The following MAEA variants were observed in gnomAD, a reference collection of about 807,000 sequenced individuals.
MAEA encodes the protein macrophage erythroblast attacher, E3 ubiquitin ligase, also known as E3 ubiquitin-protein transferase MAEA.
MAEA carries 22 observed loss-of-function variants against 46.2 expected under a neutral mutation model. The observed-to-expected ratio is 0.48, with a 90% CI of 0.34 to 0.68. The LOEUF (loss-of-function observed/expected upper bound fraction) is 0.68. Among genes scored for constraint, MAEA ranks in the 30% least tolerant of loss-of-function variants. The probability of loss-of-function intolerance (pLI) is 0.01; values close to 1 mark genes in which losing one functional copy is unlikely to be tolerated. For missense variants in MAEA, 393 were observed against 558.1 expected (o/e 0.70, Z 2.98); for synonymous variants, 246 against 222.6 (o/e 1.11, Z -0.94).
chr4:1,314,496 AAAATC>A lies in MAEA; in HGVS notation c.253-897_253-893del. Among the ~76,000 whole-genome samples the A allele has an allele frequency of 2.6e-5, 4 of 152,346 alleles. 1 individual carries two copies. Among genetic ancestry groups the A allele is most frequent in the African/African-American group, 9.6e-5 (4 of 41,576 alleles). ...ATCGAGAATGGAGCACAGAGACTGA[AAAATC>A]AAAGTGGCTGCGAGAGTAAAGCATG... On this transcript the variant is annotated intron_variant, in intron 2 of 8. Transcript: ENST00000303400.
chr4:1,334,562 G>C (rs1446510562), intron 6 of MAEA, among the ~76,000 whole-genome samples: 1 of 152,244 alleles, frequency 6.6e-6, no homozygotes, highest in Admixed American at 6.5e-5. Flanking sequence ...ACCCATACAG[G>C]GGGCTGAGAC....
intron 4 of MAEA, among the ~76,000 whole-genome samples, chr4:1,323,331 G>A (rs1018336965): frequency 1.3e-5 from 2 of 152,146 alleles, no homozygotes; most frequent in Non-Finnish European, 2.9e-5. Flanking sequence ...AAAAGGCATT[G>A]TCACCCTAGG....
intron 1 of MAEA, chr4:1,309,358 C>A (rs1736147050): frequency 8.8e-7 from 1 of 1,135,584 alleles, no homozygotes; most frequent in Admixed American, 4.2e-5. Context: ...GCTAACCAGC[C>A]AGCCCAGGCC....
chr4:1,306,227 G>A (rs1054745625), intron 1 of MAEA, among the ~76,000 whole-genome samples: 3 of 152,168 alleles, frequency 2.0e-5, no homozygotes, highest in Admixed American at 1.3e-4. Context: ...ATTCACCATC[G>A]CGCTTTCCGC....
chr4:1,309,284 C>T (rs979150141), intron 1 of MAEA, among the ~76,000 whole-genome samples: 1 of 151,914 alleles, frequency 6.6e-6, no homozygotes, highest in Non-Finnish European at 1.5e-5. Context: ...GAGTCTTTAG[C>T]ATTTCTGAAA....
At chr4:1,293,186 C>T (rs928303522) in intron 1 of MAEA, among the ~76,000 whole-genome samples, 1 of 151,544 alleles carries the variant, frequency 6.6e-6, no homozygotes, top group African/African-American at 2.4e-5. Context: ...ATTGGAAGCC[C>T]TTGCTTTCAT....
intron 1 of MAEA, among the ~76,000 whole-genome samples, chr4:1,294,475 C>A (rs1206588382): frequency 6.6e-6 from 1 of 152,134 alleles, no homozygotes; most frequent in Non-Finnish European, 1.5e-5. Flanking sequence ...AATGGCTGGG[C>A]TAGGTTGGAG....
intron 6 of MAEA, chr4:1,334,867 T>C: frequency 2.0e-6 from 2 of 985,452 alleles, no homozygotes; most frequent in Non-Finnish European, 2.4e-6. Context: ...GACTGTGGGC[T>C]TCCTCCCTTG....
intron 3 of MAEA, among the ~76,000 whole-genome samples, chr4:1,319,401 G>C (rs1361683499): frequency 6.6e-6 from 1 of 152,112 alleles, no homozygotes; most frequent in Admixed American, 6.5e-5. Flanking sequence ...CAGAAAACCA[G>C]TTCACTTAGA....
chr4:1,312,996 G>C (rs563750923), intron 2 of MAEA, among the ~76,000 whole-genome samples: 2 of 152,370 alleles, frequency 1.3e-5, no homozygotes, highest in Admixed American at 1.3e-4. Context: ...GCCAGATGGA[G>C]GTGAGGACCG....
chr4:1,309,451 T>G, intron 1 of MAEA: 1 of 1,292,442 alleles, frequency 7.7e-7, no homozygotes, highest in Non-Finnish European at 9.8e-7. Context: ...CTGGCCTGGC[T>G]CCTCTGGGGG....
At chr4:1,298,717 A>G (rs1178263018) in intron 1 of MAEA, among the ~76,000 whole-genome samples, 1 of 152,076 alleles carries the variant, frequency 6.6e-6, no homozygotes, top group Non-Finnish European at 1.5e-5. Flanking sequence ...TGCTGTGAGC[A>G]CCGCTGCCTT....
intron 1 of MAEA, among the ~76,000 whole-genome samples, chr4:1,303,131 G>A (rs1018293311): frequency 1.4e-5 from 2 of 147,996 alleles, no homozygotes; most frequent in Non-Finnish European, 3.0e-5. Context: ...GCTCATGCCT[G>A]TAATCCCAGC....
At position 1,338,509 on chromosome 4, in the gene MAEA, C is replaced by T; in HGVS notation, c.987C>T (p.Pro329=). The change falls in exon 8 of 9, where the codon CCC becomes CCT. Residue 329 remains proline, a synonymous_variant. Coordinates refer to ENST00000303400, the MANE Select transcript of MAEA (RefSeq NM_001017405.3). ...TGAACAAGCTGGCGCAGCCCCTGCCCATGGCCCACTGTGCCAACTCCCGCC... is the reference window on the plus strand; with the variant it reads ...TGAACAAGCTGGCGCAGCCCCTGCCTATGGCCCACTGTGCCAACTCCCGCC... The part of the protein sequence containing the change: ...RSLNKLAQPL[P]MAHCANSRLV... 4 of 1,613,346 alleles carry T rather than the reference C, an allele frequency of 2.5e-6. No homozygotes were observed. The highest frequency in any genetic ancestry group is 1.6e-4 in the Middle Eastern group (1 of 6,062).
chr4:1,294,695 C>T (rs1050179992), intron 1 of MAEA, among the ~76,000 whole-genome samples: 5 of 151,606 alleles, frequency 3.3e-5, no homozygotes, highest in Non-Finnish European at 5.9e-5. Context: ...CCCCTGTCTA[C>T]GCTCCGGTGG....
intron 4 of MAEA, among the ~76,000 whole-genome samples, chr4:1,323,809 C>G (rs1460383617): frequency 6.6e-6 from 1 of 152,242 alleles, no homozygotes; most frequent in Non-Finnish European, 1.5e-5. Flanking sequence ...TGGAGGCTTG[C>G]CACGAGCACA....
intron 1 of MAEA, among the ~76,000 whole-genome samples, chr4:1,310,236 G>T (rs989728019): frequency 2.7e-5 from 4 of 150,684 alleles, no homozygotes; most frequent in Non-Finnish European, 4.5e-5. Flanking sequence ...TCAGGGCCTC[G>T]GGGGGGCCTT....
intron 1 of MAEA, among the ~76,000 whole-genome samples, chr4:1,304,886 A>G (rs1188508389): frequency 3.3e-5 from 5 of 152,204 alleles, no homozygotes; most frequent in East Asian, 3.8e-4. Flanking sequence ...GCTATACTCT[A>G]TTGAATTTGA....
chr4:1,330,877 G>A (rs1711684326), intron 5 of MAEA: 1 of 152,264 alleles, frequency 6.6e-6, no homozygotes, highest in East Asian at 1.9e-4. Context: ...AGGATTTGTG[G>A]ATCAGGGACC....
Sources: gnomAD v4.1 joint callset for allele counts (sites outside exome capture counted in the v4.1 genomes callset) on GRCh38, gnomAD v4.1.1 for gene constraint, MANE v1.5 for transcripts, NCBI Gene and HGNC (gene_info 2026-07-23, HGNC 2026-07-21) for gene names.